GPC5: variants seen among roughly 807,000 people sequenced by gnomAD.
GPC5 encodes glypican-5.
Under a neutral mutation model 53.9 loss-of-function variants are expected in GPC5, and 47 were observed. The observed-to-expected ratio is 0.87, with a 90% CI of 0.69 to 1.11. The LOEUF (loss-of-function observed/expected upper bound fraction) is 1.11. GPC5 is among the 50% of genes most tolerant of loss of function. The probability of loss-of-function intolerance (pLI) is 0.00; values close to 1 mark genes in which losing one functional copy is unlikely to be tolerated. For synonymous variants in GPC5, 286 were observed against 263.3 expected, an observed-to-expected ratio of 1.09 and a Z score of -0.84; for missense variants, 748 against 713.1, an observed-to-expected ratio of 1.05 and a Z score of -0.56.
At chr13:92,770,105 A>C (rs1029580157) in intron 7 of GPC5, among the ~76,000 whole-genome samples, 6 of 152,196 alleles carry the variant, frequency 3.9e-5, no homozygotes, top group East Asian at 3.9e-4. Context: ...TCCTTACCCC[A>C]AAACCTCTCC....
At chr13:92,641,558 T>C (rs1161127612) in intron 7 of GPC5, among the ~76,000 whole-genome samples, 1 of 152,342 alleles carries the variant, frequency 6.6e-6, no homozygotes, top group African/African-American at 2.4e-5. Flanking sequence ...TTTATTATCT[T>C]CAGATGCTTA....
intron 7 of GPC5, among the ~76,000 whole-genome samples, chr13:92,388,862 A>G (rs1335954808): frequency 6.6e-6 from 1 of 152,076 alleles, no homozygotes; most frequent in East Asian, 1.9e-4. Flanking sequence ...ATGTTTGGTT[A>G]TTTTTTTGAT....
intron 2 of GPC5, among the ~76,000 whole-genome samples, chr13:91,474,616 AT>A (rs1882826085): frequency 6.6e-6 from 1 of 152,148 alleles, no homozygotes; most frequent in South Asian, 2.1e-4. Flanking sequence ...AAATTTGTAT[AT>A]ACCTAATTAA....
intron 7 of GPC5, among the ~76,000 whole-genome samples, chr13:92,787,667 C>CAAAAAAAAAAAAAAAAAAAA (rs71202562): frequency 1.8e-4 from 10 of 56,222 alleles, no homozygotes; most frequent in African/African-American, 6.4e-4. Flanking sequence ...CTCATAGCTA[C>CAAAAAAAAAAAAAAAAAAAA]AAAAAAAAAA....
chr13:91,431,524 A>C (rs1425505383), intron 1 of GPC5, among the ~76,000 whole-genome samples: 2 of 152,220 alleles, frequency 1.3e-5, no homozygotes, highest in African/African-American at 4.8e-5. Flanking sequence ...TTTTGTCTCC[A>C]CGGTGAAATA....
At chr13:92,278,262 C>T (rs942602821) in intron 7 of GPC5, among the ~76,000 whole-genome samples, 1 of 151,806 alleles carries the variant, frequency 6.6e-6, no homozygotes, top group Admixed American at 6.6e-5. Flanking sequence ...TGTTTGCAGA[C>T]ACATTTAAAG....
intron 7 of GPC5, among the ~76,000 whole-genome samples, chr13:92,680,739 C>A (rs925341975): frequency 6.6e-6 from 1 of 152,112 alleles, no homozygotes; most frequent in Non-Finnish European, 1.5e-5. Context: ...CAGGAAGTAA[C>A]TATTAGATAG....
intron 7 of GPC5, among the ~76,000 whole-genome samples, chr13:92,217,765 G>T (rs1022138197): frequency 6.6e-6 from 1 of 151,958 alleles, no homozygotes; most frequent in African/African-American, 2.4e-5. Context: ...CAGTTGCCTT[G>T]ATGTAGACTT....
At chr13:91,645,498 C>T (rs1439854214) in intron 2 of GPC5, among the ~76,000 whole-genome samples, 1 of 152,168 alleles carries the variant, frequency 6.6e-6, no homozygotes, top group Non-Finnish European at 1.5e-5. Context: ...GACACTGCCC[C>T]TCTTCCTGAC....
At chr13:91,620,212 T>C (rs1055433530) in intron 2 of GPC5, among the ~76,000 whole-genome samples, 1 of 152,122 alleles carries the variant, frequency 6.6e-6, no homozygotes, top group African/African-American at 2.4e-5. Context: ...CCATGCAACT[T>C]ATTTCCATTA....
At chr13:91,801,275 GT>G (rs2038131875) in intron 5 of GPC5, among the ~76,000 whole-genome samples, 2 of 151,804 alleles carry the variant, frequency 1.3e-5, no homozygotes, top group Admixed American at 6.6e-5. Context: ...GTGTGTGTGT[GT>G]GTGTGTGTGT....
intron 6 of GPC5, among the ~76,000 whole-genome samples, chr13:92,090,861 A>C (rs1330407607): frequency 3.9e-5 from 6 of 152,220 alleles, no homozygotes; most frequent in Non-Finnish European, 5.9e-5. Flanking sequence ...AAAATATCCA[A>C]AAAATTTTTG....
intron 5 of GPC5, among the ~76,000 whole-genome samples, chr13:91,903,461 A>G (rs911411165): frequency 6.6e-6 from 1 of 152,104 alleles, no homozygotes; most frequent in Non-Finnish European, 1.5e-5. Context: ...GTCAGTTTAC[A>G]TTTCCATCCA....
chr13:92,572,221 T>C (rs1883049305), intron 7 of GPC5, among the ~76,000 whole-genome samples: 1 of 152,180 alleles, frequency 6.6e-6, no homozygotes, highest in South Asian at 2.1e-4. Context: ...GAATTAAATA[T>C]CTGGTCCGAG....
At position 91,552,600 on chromosome 13, in the gene GPC5, G is replaced by A. The variant is rs552918739; in HGVS notation, c.325+103678G>A. On this transcript the variant is annotated intron_variant, in intron 2 of 7. Coordinates refer to ENST00000377067, the MANE Select transcript of GPC5 (RefSeq NM_004466.6). ...CTTATGTGAAACGAAGGGATGGGCC[G>A]AATTAAAGGAATAGGTTGGGCTGGT... 3.7e-4 allele frequency among the ~76,000 whole-genome samples: 57 copies of A among 152,182 alleles called. 1 individual carries two copies. In the East Asian group the frequency reaches 9.3e-3, roughly 25 times the overall value.
At chr13:91,679,399 G>A (rs2035456706) in intron 2 of GPC5, among the ~76,000 whole-genome samples, 1 of 152,060 alleles carries the variant, frequency 6.6e-6, no homozygotes, top group Non-Finnish European at 1.5e-5. Context: ...GAAATAATTG[G>A]CAAATACAGA....
At chr13:91,423,153 G>A (rs540348876) in intron 1 of GPC5, among the ~76,000 whole-genome samples, 54 of 152,268 alleles carry the variant, frequency 3.5e-4, no homozygotes, top group Non-Finnish European at 7.2e-4. Flanking sequence ...TGAAAGGTAG[G>A]CTAAATATAA....
chr13:91,644,920 A>G (rs10492613), intron 2 of GPC5, among the ~76,000 whole-genome samples: 11,209 of 152,290 alleles, frequency 0.074, 1,383 homozygotes, highest in African/African-American at 0.26. Context: ...GTTACTCAAC[A>G]TGAGAAAGAT....
At chr13:92,826,007 T>A (rs1236072526) in intron 7 of GPC5, among the ~76,000 whole-genome samples, 1 of 152,126 alleles carries the variant, frequency 6.6e-6, no homozygotes, top group Non-Finnish European at 1.5e-5. Context: ...CATCTTGCCA[T>A]GACAGACAAT....
Sources: allele counts gnomAD v4.1 joint callset (sites outside exome capture counted in the v4.1 genomes callset), GRCh38; gene constraint gnomAD v4.1.1; transcripts MANE v1.5; gene names NCBI Gene and HGNC (gene_info 2026-07-23, HGNC 2026-07-21).